BMP8A: variants seen among roughly 807,000 people sequenced by gnomAD.
BMP8A encodes BMP-8A.
A neutral mutation model predicts 36.8 loss-of-function variants in BMP8A; 14 were observed. The ratio of observed to expected loss-of-function variants is 0.38; its 90% CI spans 0.25 to 0.60. The LOEUF (loss-of-function observed/expected upper bound fraction) is 0.60. BMP8A is among the 20% of genes least tolerant of loss of function. The pLI is 0.63. For missense variants in BMP8A, 267 were observed against 551.1 expected, an observed-to-expected ratio of 0.48 and a Z score of 5.16; for synonymous variants, 120 against 237.7, an observed-to-expected ratio of 0.50 and a Z score of 4.55.
chr1:39,514,229 G>GCCAC (rs1645378822), intron 3 of BMP8A, among the ~76,000 whole-genome samples: 1 of 135,002 alleles, frequency 7.4e-6, no homozygotes, highest in African/African-American at 2.8e-5. Context: ...TCCAGGTGAG[G>GCCAC]AGACGCCTGC....
rs575554751 is a variant in BMP8A at position 39,523,605 on chromosome 1, T to C, written c.1059+488T>C. On this transcript the variant is annotated intron_variant, in intron 6 of 6. Coordinates refer to ENST00000331593, the MANE Select transcript of BMP8A (RefSeq NM_181809.4). ...AGGAAGCTTCTAGATGGTGTGGCTC[T>C]CAACCTTTTGGCTTTTTCCCGCAGT... 8 of 1,434,102 alleles carry C rather than the reference T, an allele frequency of 5.6e-6. No individual in the cohort carries two copies. In the East Asian group the frequency reaches 8.3e-5, roughly 15 times the overall value. 88.8% of individuals were successfully genotyped at this position (1,434,102 alleles called of 1,614,324 possible).
chr1:39,502,791 C>T (rs1557687057), intron 1 of BMP8A, among the ~76,000 whole-genome samples: 6 of 152,226 alleles, frequency 3.9e-5, no homozygotes, highest in Admixed American at 2.6e-4. Flanking sequence ...CGCCTGTAAT[C>T]CCAGCACTTT....
chr1:39,522,693 G>A (rs529983766), intron 5 of BMP8A, among the ~76,000 whole-genome samples: 5 of 152,248 alleles, frequency 3.3e-5, no homozygotes, highest in African/African-American at 1.2e-4. Flanking sequence ...CCATGAAAAT[G>A]AAGACTGAAT....
intron 1 of BMP8A, among the ~76,000 whole-genome samples, chr1:39,503,897 C>T (rs977338696): frequency 2.0e-5 from 3 of 152,114 alleles, no homozygotes; most frequent in Admixed American, 1.3e-4. Context: ...GCTATAATCA[C>T]ACCACTGGAC....
At chr1:39,516,779 G>A (rs1447092343) in intron 3 of BMP8A, among the ~76,000 whole-genome samples, 2 of 152,070 alleles carry the variant, frequency 1.3e-5, no homozygotes, top group African/African-American at 4.8e-5. Context: ...ACAGCTCAGC[G>A]CATTCACAGC....
intron 1 of BMP8A, among the ~76,000 whole-genome samples, chr1:39,496,345 C>T (rs1435083840): frequency 2.0e-5 from 3 of 149,984 alleles, no homozygotes; most frequent in South Asian, 4.3e-4. Flanking sequence ...TAGACAGCAA[C>T]GCCCCATCGG....
In BMP8A at chr1:39,529,545, A is replaced by T. The variant is rs896444785; in HGVS notation, c.*3747A>T. On this transcript the variant is annotated 3_prime_UTR_variant, in exon 7 of 7. Transcript: ENST00000331593. ...TTCCTTTCCTTACTGAAAAGTCTTG[A>T]GCAAACAGTTGCCGCTCTCCACCCC... Among the ~76,000 whole-genome samples the T allele has an allele frequency of 6.6e-6, 1 of 152,202 alleles. No individual in the cohort carries two copies. The highest frequency in any genetic ancestry group is 6.5e-5 in the Admixed American group (1 of 15,290).
Position 39,524,217 on chromosome 1 carries a change from G to C in BMP8A, c.1059+1100G>C, listed in dbSNP as rs909096992. Among the ~76,000 whole-genome samples, 1 of 152,148 alleles carries C rather than the reference G, an allele frequency of 6.6e-6. No homozygotes were observed. Among genetic ancestry groups the C allele is most frequent in the Non-Finnish European group, 1.5e-5 (1 of 68,024 alleles). ...GTGTGGTTCTCACAGCTGCATGTGT[G>C]GGAGGTACATGGGAAGGTGACTGCA... On this transcript the variant is annotated intron_variant, in intron 6 of 6. Transcript: ENST00000331593. The surrounding 1 kb of genome is among the most constrained non-coding windows in gnomAD (Gnocchi z 4.0).
intron 1 of BMP8A, among the ~76,000 whole-genome samples, chr1:39,508,550 C>A (rs1354975571): frequency 6.6e-6 from 1 of 152,224 alleles, no homozygotes; most frequent in African/African-American, 2.4e-5. Flanking sequence ...CAGTTACTGG[C>A]CAGAGAATCT....
At chr1:39,495,215 A>C (rs1237800624) in intron 1 of BMP8A, among the ~76,000 whole-genome samples, 2 of 152,198 alleles carry the variant, frequency 1.3e-5, no homozygotes, top group Non-Finnish European at 1.5e-5. Context: ...CTGAAAAGCC[A>C]GGCCTGGTGC....
chr1:39,498,964 C>T (rs1384142549), intron 1 of BMP8A, among the ~76,000 whole-genome samples: 1 of 152,266 alleles, frequency 6.6e-6, no homozygotes, highest in Admixed American at 6.5e-5. Flanking sequence ...CACTGAGCCG[C>T]TGTCCTGGGG....
intron 1 of BMP8A, among the ~76,000 whole-genome samples, chr1:39,497,224 G>C (rs1570273668): frequency 6.6e-6 from 1 of 152,116 alleles, no homozygotes; most frequent in South Asian, 2.1e-4. Context: ...ATCCCTCTGT[G>C]GATATATTAA....
chr1:39,517,921 G>C (rs1441115492), intron 3 of BMP8A, among the ~76,000 whole-genome samples: 3 of 152,236 alleles, frequency 2.0e-5, no homozygotes, highest in Non-Finnish European at 4.4e-5. Context: ...CAAGGGACTA[G>C]ATGAGTTTTC....
intron 1 of BMP8A, among the ~76,000 whole-genome samples, chr1:39,503,443 A>G (rs1645269834): frequency 6.6e-6 from 1 of 151,490 alleles, no homozygotes; most frequent in Non-Finnish European, 1.5e-5. Context: ...TGGGCAACAT[A>G]GTGAGATTTC....
rs1265644039 is a variant in BMP8A at position 39,525,828 on chromosome 1, C to A, written c.*30C>A. ...GCCCGCCCAGCCCTACTGCAGCCAC[C>A]CTTCTCATCTGGATCGGGCCCTGCA... is the stretch of plus-strand genomic sequence containing the variant. On this transcript the variant is annotated 3_prime_UTR_variant, in exon 7 of 7. Coordinates refer to ENST00000331593, the MANE Select transcript of BMP8A (RefSeq NM_181809.4). 6.2e-7 allele frequency: 1 copy of A among 1,612,858 alleles called. No homozygotes were observed. The highest frequency in any genetic ancestry group is 1.3e-5 in the African/African-American group (1 of 75,050).
intron 1 of BMP8A, among the ~76,000 whole-genome samples, chr1:39,501,923 T>TTCTCAAACATCACATCTAAAGAAACCC (rs1645256583): frequency 6.6e-6 from 1 of 152,194 alleles, no homozygotes; most frequent in African/African-American, 2.4e-5. Flanking sequence ...TCATGAGGCC[T>TTCTCAAACATCACATCTAAAGAAACCC]TCTCAAACAT....
rs368961164 is a variant in BMP8A, at chr1:39,522,527, G to A, written c.948+45G>A. 19 of 1,604,958 alleles carry A rather than the reference G, an allele frequency of 1.2e-5. No homozygotes were observed. In the African/African-American group the frequency reaches 2.3e-4, roughly 19 times the overall value. On this transcript the variant is annotated intron_variant, in intron 5 of 6. Coordinates refer to ENST00000331593, the MANE Select transcript of BMP8A (RefSeq NM_181809.4). ...GTTTCTGAAATGACAATCACCACCTGTAGATCAGAAGTGAATCTGCAGGGA... is the reference window on the plus strand; with the variant it reads ...GTTTCTGAAATGACAATCACCACCTATAGATCAGAAGTGAATCTGCAGGGA...
In BMP8A at chr1:39,529,579, TA is replaced by T. The variant is rs1408063042; in HGVS notation, c.*3789del. On this transcript the variant is annotated 3_prime_UTR_variant, in exon 7 of 7. Transcript: ENST00000331593. ...TTGCCGCTCTCCACCCCCTGCTTTT[TA>T]AAAAAAATTTTTTCTCACGTAAGAA... Among the ~76,000 whole-genome samples the T allele has an allele frequency of 1.3e-5, 2 of 152,284 alleles. No individual in the cohort carries two copies. The highest frequency in any genetic ancestry group is 3.9e-4 in the East Asian group (2 of 5,184).
At chr1:39,498,274 C>A (rs1570275474) in intron 1 of BMP8A, among the ~76,000 whole-genome samples, 1 of 152,242 alleles carries the variant, frequency 6.6e-6, no homozygotes, top group Non-Finnish European at 1.5e-5. Context: ...CCCAGCCCCC[C>A]TCCTCCTGGA....
Sources: gnomAD v4.1 joint callset for allele counts (sites outside exome capture counted in the v4.1 genomes callset) on GRCh38, gnomAD v4.1.1 for gene constraint, Gnocchi (gnomAD v3.1) non-coding constraint, MANE v1.5 for transcripts, NCBI Gene and HGNC (gene_info 2026-07-23, HGNC 2026-07-21) for gene names.